MEGF9: variants seen among roughly 807,000 people sequenced by gnomAD.
MEGF9 encodes multiple EGF like domains 9, also known as multiple epidermal growth factor-like domains protein 9.
Under a neutral mutation model 46.8 loss-of-function variants are expected in MEGF9, and 6 were observed. The observed-to-expected ratio is 0.13, with a 90% confidence interval of 0.07 to 0.25. MEGF9 has a LOEUF of 0.25. Ranked by LOEUF, MEGF9 falls within the 10% of genes least tolerant of loss-of-function variation. The pLI is 1.00. For missense variants in MEGF9, 683 were observed against 792.4 expected, an observed-to-expected ratio of 0.86 and a Z score of 1.66; for synonymous variants, 302 against 330.7, an observed-to-expected ratio of 0.91 and a Z score of 0.94.
chr9:120,678,273 C>T (rs991579746), intron 1 of MEGF9, among the ~76,000 whole-genome samples: 1 of 152,086 alleles, frequency 6.6e-6, no homozygotes, highest in African/African-American at 2.4e-5. Flanking sequence ...AAATATTCCT[C>T]GATATATGGA....
At chr9:120,615,604 A>G (rs978480378) in intron 3 of MEGF9, among the ~76,000 whole-genome samples, 1 of 152,132 alleles carries the variant, frequency 6.6e-6, no homozygotes, top group African/African-American at 2.4e-5. Flanking sequence ...AAGTATAAGT[A>G]TAAAATTTAG....
chr9:120,686,947 TTGTG>T (rs59677137), intron 1 of MEGF9, among the ~76,000 whole-genome samples: 3 of 150,626 alleles, frequency 2.0e-5, no homozygotes, highest in South Asian at 4.2e-4. Context: ...ATAAAATAGT[TTGTG>T]TGTGTGTGTG....
intron 1 of MEGF9, among the ~76,000 whole-genome samples, chr9:120,708,696 T>C (rs1170951052): frequency 6.6e-6 from 1 of 152,224 alleles, no homozygotes; most frequent in Non-Finnish European, 1.5e-5. Flanking sequence ...CTGCCCTAAC[T>C]TGTCCGTAGA....
intron 1 of MEGF9, among the ~76,000 whole-genome samples, chr9:120,677,163 C>T (rs910799813): frequency 1.3e-5 from 2 of 151,902 alleles, no homozygotes; most frequent in Non-Finnish European, 2.9e-5. Context: ...GGATCTCCCT[C>T]GGTCGCCCAG....
At position 120,659,592 on chromosome 9, in the gene MEGF9, G is replaced by A. The variant is rs1250099537; in HGVS notation, c.602-17C>T. 1.3e-5 allele frequency: 21 copies of A among 1,569,998 alleles called. No homozygotes were observed. Among genetic ancestry groups the A allele is most frequent in the Non-Finnish European group, 1.7e-5 (20 of 1,153,792 alleles). On this transcript the variant is annotated splice_polypyrimidine_tract_variant and intron_variant, in intron 1 of 5. Transcript: ENST00000373930. Reference sequence around the variant, plus strand: ...ATACATACTCTGCAAAGGAAAGAAGGAAAGAGACATTACCAACTAAGATTT... The same window carrying A: ...ATACATACTCTGCAAAGGAAAGAAGAAAAGAGACATTACCAACTAAGATTT...
At chr9:120,662,105 T>G (rs1449470400) in intron 1 of MEGF9, among the ~76,000 whole-genome samples, 1 of 152,232 alleles carries the variant, frequency 6.6e-6, no homozygotes, top group Non-Finnish European at 1.5e-5. Flanking sequence ...TGAGTAAGAT[T>G]AGCAGTATCT....
intron 1 of MEGF9, among the ~76,000 whole-genome samples, chr9:120,710,756 G>T (rs1349574159): frequency 6.6e-6 from 1 of 152,216 alleles, no homozygotes; most frequent in African/African-American, 2.4e-5. Flanking sequence ...AACTTTGCAA[G>T]CCAAACCAGT....
chr9:120,619,599 A>G (rs1327692593), intron 3 of MEGF9, among the ~76,000 whole-genome samples: 1 of 152,220 alleles, frequency 6.6e-6, no homozygotes, highest in African/African-American at 2.4e-5. Flanking sequence ...CCTAGATAAC[A>G]GTATTTACTT....
chr9:120,688,680 G>A (rs2043835110), intron 1 of MEGF9, among the ~76,000 whole-genome samples: 1 of 152,174 alleles, frequency 6.6e-6, no homozygotes, highest in African/African-American at 2.4e-5. Flanking sequence ...TGGAGGTGGA[G>A]AGTAACTACA....
intron 2 of MEGF9, among the ~76,000 whole-genome samples, chr9:120,636,013 C>T (rs529996982): frequency 3.9e-4 from 60 of 152,272 alleles, no homozygotes; most frequent in African/African-American, 1.4e-3. Flanking sequence ...TGGCTCACTG[C>T]AACCTCTGTC....
intron 3 of MEGF9, among the ~76,000 whole-genome samples, chr9:120,617,707 A>G (rs963178397): frequency 2.0e-5 from 3 of 152,146 alleles, no homozygotes; most frequent in African/African-American, 7.2e-5. Context: ...GGGATCAGAG[A>G]ATAGGGAGAG....
intron 4 of MEGF9, among the ~76,000 whole-genome samples, chr9:120,609,505 T>G (rs2043435066): frequency 6.6e-6 from 1 of 152,158 alleles, no homozygotes. Flanking sequence ...TATTTGACAT[T>G]TTTCTGTCTT....
At chr9:120,706,563 G>A (rs143034781) in intron 1 of MEGF9, among the ~76,000 whole-genome samples, 19 of 152,336 alleles carry the variant, frequency 1.2e-4, no homozygotes, top group Non-Finnish European at 2.1e-4. Context: ...GGCTGGGCAC[G>A]GTGTCTCACA....
intron 1 of MEGF9, among the ~76,000 whole-genome samples, chr9:120,665,417 C>T (rs898209779): frequency 2.6e-5 from 4 of 152,172 alleles, no homozygotes; most frequent in African/African-American, 9.6e-5. Context: ...GTTGTTAAGG[C>T]TAGTCTTGAA....
chr9:120,688,369 A>C (rs1193881007), intron 1 of MEGF9, among the ~76,000 whole-genome samples: 1 of 152,202 alleles, frequency 6.6e-6, no homozygotes, highest in Non-Finnish European at 1.5e-5. Flanking sequence ...CAGTAGTGCT[A>C]ACAGCAGGGC....
chr9:120,651,673 G>C lies in MEGF9; in HGVS notation c.803+7701C>G, dbSNP rs1231275510. Among the ~76,000 whole-genome samples, 3 of 143,906 alleles carry C rather than the reference G, an allele frequency of 2.1e-5. No individual in the cohort carries two copies. In the South Asian group the frequency reaches 6.5e-4, roughly 31 times the overall value. The allele number at this position is 143,906 out of a possible 152,430, so 94.4% of individuals were successfully genotyped here. On this transcript the variant is annotated intron_variant, in intron 2 of 5. Coordinates refer to ENST00000373930, the MANE Select transcript of MEGF9 (RefSeq NM_001080497.3). ...AATAGGATTTTTTTTTTTTTTTTGA[G>C]ACAGAGTCTTGCTCTGTGGCCCAGG...
chr9:120,692,256 G>A (rs1203692330), intron 1 of MEGF9, among the ~76,000 whole-genome samples: 2 of 152,150 alleles, frequency 1.3e-5, no homozygotes, highest in African/African-American at 2.4e-5. Flanking sequence ...AAGAGGTCCA[G>A]CACCAATTGG....
intron 1 of MEGF9, among the ~76,000 whole-genome samples, chr9:120,678,416 G>T (rs141170130): frequency 2.0e-5 from 3 of 152,234 alleles, no homozygotes; most frequent in Non-Finnish European, 4.4e-5. Context: ...CACTATACAA[G>T]ATTTCCCTTT....
At chr9:120,686,373 C>T (rs762673218) in intron 1 of MEGF9, among the ~76,000 whole-genome samples, 34 of 152,256 alleles carry the variant, frequency 2.2e-4, no homozygotes, top group South Asian at 1.0e-3. Flanking sequence ...CCACCAGGCC[C>T]GGCCGAGGGA....
Sources: gnomAD v4.1 joint callset for allele counts (sites outside exome capture counted in the v4.1 genomes callset) on GRCh38, gnomAD v4.1.1 for gene constraint, MANE v1.5 for transcripts, NCBI Gene and HGNC (gene_info 2026-07-23, HGNC 2026-07-21) for gene names.